Variants in MRTFA observed in about 807,000 individuals in gnomAD.
MRTFA encodes the protein myocardin related transcription factor A, also known as myocardin-related transcription factor A.
MRTFA carries 20 observed loss-of-function variants against 83.5 expected under a neutral mutation model. That is an observed-to-expected ratio of 0.24 (90% CI 0.17 to 0.35). The LOEUF (loss-of-function observed/expected upper bound fraction) is 0.35, where lower values mean the gene tolerates loss of function less well. Among genes scored for constraint, MRTFA ranks in the 10% least tolerant of loss-of-function variants. The pLI is 1.00. For synonymous variants in MRTFA, 659 were observed against 541.2 expected, an observed-to-expected ratio of 1.22 and a Z score of -3.02; for missense variants, 1,200 against 1,224.7, an observed-to-expected ratio of 0.98 and a Z score of 0.30.
rs1328569549 is a variant in MRTFA, at chr22:40,420,537, T to G, written c.1221A>C (p.Pro407=). ...TATTGGTAGTGGAGAGGCTGCGTAC[T>G]GGGGGGGTCCCGCTGCTTCCCAGGG... The change falls in exon 11 of 15, where the codon CCA becomes CCC. Residue 407 remains proline (P), a synonymous_variant. Coordinates refer to ENST00000355630, the MANE Select transcript of MRTFA (RefSeq NM_020831.6). 2.0e-5 allele frequency: 32 copies of G among 1,613,478 alleles called. No homozygotes were observed. Among genetic ancestry groups the G allele is most frequent in the Non-Finnish European group, 2.5e-6 (3 of 1,180,014 alleles).
In MRTFA at chr22:40,529,206, T is replaced by A. The variant is rs1235600786; in HGVS notation, c.241+22900A>T. Among the ~76,000 whole-genome samples, 6 of 152,138 alleles carry A rather than the reference T, an allele frequency of 3.9e-5. No homozygotes were observed. The East Asian group carries it at 9.6e-4, about 24-fold the overall frequency. The stretch of plus-strand genomic sequence containing the variant: ...TCTTGACCCATACTATTCTAAAACA[T>A]ACAGTGCAGAAACAAACTGTAATGA... On this transcript the variant is annotated intron_variant, in intron 3 of 14. Coordinates refer to ENST00000355630, the MANE Select transcript of MRTFA (RefSeq NM_020831.6).
chr22:40,582,621 C>G (rs576352276), intron 2 of MRTFA, among the ~76,000 whole-genome samples: 1 of 151,858 alleles, frequency 6.6e-6, no homozygotes. Context: ...AAGGTTACTT[C>G]CTTCCATACA....
At chr22:40,414,363 A>G (rs776580681) in intron 14 of MRTFA, among the ~76,000 whole-genome samples, 8 of 152,182 alleles carry the variant, frequency 5.3e-5, no homozygotes, top group Non-Finnish European at 1.0e-4. Flanking sequence ...AGAAATTACC[A>G]TATGATCCGG....
intron 3 of MRTFA, among the ~76,000 whole-genome samples, chr22:40,480,975 T>A (rs976973793): frequency 2.6e-5 from 4 of 151,918 alleles, no homozygotes; most frequent in Non-Finnish European, 2.9e-5. Flanking sequence ...AATAATTTTT[T>A]AAAAAAATTA....
chr22:40,607,022 A>C (rs1415188604), intron 1 of MRTFA, among the ~76,000 whole-genome samples: 1 of 152,250 alleles, frequency 6.6e-6, no homozygotes, highest in Non-Finnish European at 1.5e-5. Context: ...GTAAGATAGC[A>C]TACATGAAAG....
intron 4 of MRTFA, among the ~76,000 whole-genome samples, chr22:40,452,568 A>G (rs2053513690): frequency 6.6e-6 from 1 of 152,052 alleles, no homozygotes; most frequent in Non-Finnish European, 1.5e-5. Flanking sequence ...CATGACTGTA[A>G]TCCCAGCACT....
At chr22:40,506,971 TATGGTTGGTGA>T (rs1432937013) in intron 3 of MRTFA, among the ~76,000 whole-genome samples, 1 of 152,218 alleles carries the variant, frequency 6.6e-6, no homozygotes, top group Non-Finnish European at 1.5e-5. Context: ...TTCTGCTTAT[TATGGTTGGTGA>T]ATTCTGACTA....
At chr22:40,459,834 T>TATAC (rs1555973850) in intron 4 of MRTFA, among the ~76,000 whole-genome samples, 5 of 98,500 alleles carry the variant, frequency 5.1e-5, no homozygotes, top group East Asian at 2.5e-4. Flanking sequence ...TATATACATA[T>TATAC]ATATATATAT....
chr22:40,494,309 G>A (rs528396712), intron 3 of MRTFA, among the ~76,000 whole-genome samples: 118 of 152,162 alleles, frequency 7.8e-4, no homozygotes, highest in African/African-American at 2.8e-3. Flanking sequence ...TTAAAAAAAA[G>A]AGCTATATGT....
At chr22:40,625,043 C>A (rs1304520409) in intron 1 of MRTFA, among the ~76,000 whole-genome samples, 1 of 152,120 alleles carries the variant, frequency 6.6e-6, no homozygotes, top group African/African-American at 2.4e-5. Flanking sequence ...TAAAAGAAAT[C>A]TTTAAATTTA....
intron 2 of MRTFA, among the ~76,000 whole-genome samples, chr22:40,584,145 T>C (rs1010701848): frequency 6.6e-6 from 1 of 152,194 alleles, no homozygotes; most frequent in Non-Finnish European, 1.5e-5. Context: ...AAACAGACTC[T>C]TGTAAGGTCT....
chr22:40,531,897 G>T (rs933888285), intron 3 of MRTFA, among the ~76,000 whole-genome samples: 11 of 152,166 alleles, frequency 7.2e-5, no homozygotes, highest in African/African-American at 2.7e-4. Context: ...TAGGAGACAG[G>T]TACTGGAGAT....
intron 1 of MRTFA, among the ~76,000 whole-genome samples, chr22:40,632,407 C>A (rs2056651677): frequency 6.6e-6 from 1 of 152,096 alleles, no homozygotes; most frequent in African/African-American, 2.4e-5. Context: ...CCTCAGCCTC[C>A]TGAGTAGCTG....
At chr22:40,568,557 T>A (rs972744565) in intron 2 of MRTFA, among the ~76,000 whole-genome samples, 1 of 152,242 alleles carries the variant, frequency 6.6e-6, no homozygotes, top group African/African-American at 2.4e-5. Context: ...GTGCTGAGAA[T>A]TTTTGATCAA....
chr22:40,470,229 TTTTATATATATA>T (rs1217704363), intron 3 of MRTFA, among the ~76,000 whole-genome samples: 15 of 58,760 alleles, frequency 2.6e-4, no homozygotes, highest in East Asian at 1.7e-3. Flanking sequence ...ATCTCCAAAA[TTTTATATATATA>T]TATATATATA....
At chr22:40,584,796 C>A (rs1255199476) in intron 2 of MRTFA, among the ~76,000 whole-genome samples, 2 of 150,810 alleles carry the variant, frequency 1.3e-5, no homozygotes, top group African/African-American at 2.4e-5. Flanking sequence ...TTAATCCCAG[C>A]ACTTTGGGAG....
At chr22:40,496,693 G>C (rs1007519440) in intron 3 of MRTFA, among the ~76,000 whole-genome samples, 5 of 144,808 alleles carry the variant, frequency 3.5e-5, no homozygotes, top group Non-Finnish European at 6.0e-5. Context: ...GCACAGGAGA[G>C]AGTAGAAGCA....
chr22:40,457,489 G>GAAAGAAAGAAA (rs1569276004), intron 4 of MRTFA, among the ~76,000 whole-genome samples: 24 of 65,774 alleles, frequency 3.6e-4, no homozygotes, highest in South Asian at 1.6e-3. Context: ...AAAGAAAGAA[G>GAAAGAAAGAAA]GAAAGAAAGA....
chr22:40,549,646 C>T (rs1280563621), intron 3 of MRTFA, among the ~76,000 whole-genome samples: 1 of 152,192 alleles, frequency 6.6e-6, no homozygotes, highest in Non-Finnish European at 1.5e-5. Flanking sequence ...AACAGGTGTA[C>T]TCACTTTGTG....
Sources: allele counts gnomAD v4.1 joint callset (sites outside exome capture counted in the v4.1 genomes callset), GRCh38; gene constraint gnomAD v4.1.1; transcripts MANE v1.5; gene names NCBI Gene and HGNC (gene_info 2026-07-23, HGNC 2026-07-21).